Variants in TRPC6 observed in about 807,000 individuals in gnomAD.
TRPC6 encodes the protein short transient receptor potential channel 6.
TRPC6 carries 55 observed loss-of-function variants against 90.7 expected under a neutral mutation model. That is an observed-to-expected ratio of 0.61 (90% CI 0.49 to 0.76). The LOEUF (loss-of-function observed/expected upper bound fraction) is 0.76, where lower values mean the gene tolerates loss of function less well. Among genes scored for constraint, TRPC6 ranks in the 30% least tolerant of loss-of-function variants. The pLI is 0.00. For missense variants in TRPC6, 989 were observed against 1,122.7 expected (o/e 0.88, Z 1.70); for synonymous variants, 393 against 393.0 (o/e 1.00, Z 0.00).
intron 1 of TRPC6, among the ~76,000 whole-genome samples, chr11:101,558,236 G>GCC (rs1861612606): frequency 1.3e-5 from 1 of 79,734 alleles, no homozygotes; most frequent in Non-Finnish European, 2.6e-5. Flanking sequence ...CATGTATATG[G>GCC]GTATACATGT....
chr11:101,469,396 C>T (rs201197567), intron 10 of TRPC6, 31 bp downstream of exon 10: 29 of 753,244 alleles, frequency 3.9e-5, no homozygotes, highest in South Asian at 2.1e-4. Flanking sequence ...CGATCATGTG[C>T]ATGACTTCAT....
intron 1 of TRPC6, among the ~76,000 whole-genome samples, chr11:101,544,105 TGC>T (rs1861240044): frequency 6.6e-6 from 1 of 152,164 alleles, no homozygotes; most frequent in East Asian, 1.9e-4. Context: ...AAGACATTTA[TGC>T]AGCCAACAAA....
chr11:101,508,902 C>T (rs115536649), intron 1 of TRPC6, among the ~76,000 whole-genome samples: 2,356 of 152,054 alleles, frequency 0.015, 67 homozygotes, highest in African/African-American at 0.055. Flanking sequence ...TTATTCTGAC[C>T]TATCTCAAAG....
intron 2 of TRPC6, among the ~76,000 whole-genome samples, chr11:101,501,335 T>C (rs1860119004): frequency 1.3e-5 from 2 of 152,182 alleles, no homozygotes; most frequent in African/African-American, 4.8e-5. Context: ...TCTTGATGGC[T>C]AAAATTAGGA....
intron 1 of TRPC6, among the ~76,000 whole-genome samples, chr11:101,510,980 G>A (rs557421520): frequency 5.3e-5 from 8 of 152,284 alleles, no homozygotes; most frequent in East Asian, 1.9e-4. Context: ...TACAGCAGAA[G>A]TTCTAAAATT....
Position 101,452,809 on chromosome 11 carries a change from C to T in TRPC6, c.*146G>A, listed in dbSNP as rs548329406. 1 of 882,038 alleles carries T rather than the reference C, an allele frequency of 1.1e-6. No individual in the cohort carries two copies. The highest frequency in any genetic ancestry group is 1.7e-5 in the African/African-American group (1 of 59,192). The allele number at this position is 882,038 out of a possible 1,614,324, so 54.6% of individuals were successfully genotyped here. A position where few individuals can be genotyped will look rare whatever the true frequency, so the allele number is the denominator to read the frequency against. The stretch of plus-strand genomic sequence containing the variant: ...GTTTAATCACCAAAAAAATTAGATA[C>T]TAGGGCTCCAGATGATAGGATGGCC... On this transcript the variant is annotated 3_prime_UTR_variant, in exon 13 of 13. Coordinates refer to ENST00000344327, the MANE Select transcript of TRPC6 (RefSeq NM_004621.6).
At chr11:101,553,108 T>C (rs1050256057) in intron 1 of TRPC6, among the ~76,000 whole-genome samples, 17 of 152,034 alleles carry the variant, frequency 1.1e-4, no homozygotes, top group African/African-American at 3.4e-4. Context: ...GGAAGTAAGA[T>C]AGGTGATGTA....
chr11:101,501,080 AATAC>A (rs60962933), intron 2 of TRPC6, among the ~76,000 whole-genome samples: 20,946 of 145,866 alleles, frequency 0.14, 1,557 homozygotes, highest in African/African-American at 0.21. Flanking sequence ...AAGGGAGCAA[AATAC>A]ATACATACAT....
In TRPC6 at chr11:101,489,006, A is replaced by T; in HGVS notation, c.1224T>A (p.Leu408=). The T allele has an allele frequency of 3.1e-6, 5 of 1,614,182 alleles. No homozygotes were observed. Among genetic ancestry groups the T allele is most frequent in the Non-Finnish European group, 4.2e-6 (5 of 1,180,012 alleles). Residue 408 remains leucine (L), a synonymous_variant, in exon 4 of 13, where the codon CTT becomes CTA. Transcript: ENST00000344327. ...GTCCAATGGCAACAGCAAGGACCAC[A>T]AGGAACTTGACCGCCATTGTCTGCT... ...LRQQTMAVKF[L]VVLAVAIGLP...
chr11:101,527,028 C>A (rs1194110136), intron 1 of TRPC6, among the ~76,000 whole-genome samples: 4 of 151,718 alleles, frequency 2.6e-5, no homozygotes, highest in Non-Finnish European at 4.4e-5. Context: ...ACTACAATTT[C>A]AAAAAATATT....
Position 101,452,957 on chromosome 11 carries a change from A to G in TRPC6, c.2794T>C (p.Ter932GlnextTer51). ...MEPNQEETNR[*>Q] ...GAATTTCTAAGGAAGTCTTCGCATT[A>G]TCTATTGGTTTCCTCTTGATTTGGT... The change falls in exon 13 of 13, where the codon TAA becomes CAA. Residue 932 changes from the stop codon to glutamine, a stop_lost. Transcript: ENST00000344327. 1 of 1,613,794 alleles carries G rather than the reference A, an allele frequency of 6.2e-7. No individual in the cohort carries two copies. Among genetic ancestry groups the G allele is most frequent in the African/African-American group, 1.3e-5 (1 of 75,038 alleles).
rs761621479 is a variant in TRPC6, at chr11:101,583,454, C to T, written c.50G>A (p.Gly17Asp). The T allele has an allele frequency of 1.0e-5, 16 of 1,535,826 alleles. No homozygotes were observed. The African/African-American group carries it at 1.3e-4, about 12-fold the overall frequency. ...GCGCCGCGCAGCGGCTCCGGCAGCG[C>T]CCCGGGGAGAACTGCCCCTCCGGGG... ...FGPRRGSSPR[G>D]AAGAAARRNE... The change falls in exon 1 of 13, where the codon GGC (glycine) becomes GAC (aspartate). Residue 17 changes from glycine (G) to aspartate (D), a missense_variant. Around this residue, in one of 4 missense-constraint regions of TRPC6, gnomAD observed 194 missense variants for 136.5 expected, o/e 1.42. Coordinates refer to ENST00000344327, the MANE Select transcript of TRPC6 (RefSeq NM_004621.6).
At chr11:101,522,090 A>G (rs1860675889) in intron 1 of TRPC6, among the ~76,000 whole-genome samples, 1 of 152,170 alleles carries the variant, frequency 6.6e-6, no homozygotes, top group Non-Finnish European at 1.5e-5. Context: ...GTGTTTTGCA[A>G]TGTGAGAAGG....
Position 101,519,783 on chromosome 11 carries a change from T to G in TRPC6, c.171-14985A>C. ...CAGGCATCTAGATACTAGATCTAGA[T>G]TCGATGACCTGAAAGGCCTGGCACA... On this transcript the variant is annotated intron_variant, in intron 1 of 12. Coordinates refer to ENST00000344327, the MANE Select transcript of TRPC6 (RefSeq NM_004621.6). 1.9e-5 allele frequency: 3 copies of G among 154,328 alleles called. No homozygotes were observed. The Middle Eastern group carries it at 1.7e-3, about 89-fold the overall frequency. 9.6% of individuals were successfully genotyped at this position (154,328 alleles called of 1,614,324 possible).
At chr11:101,525,749 T>C (rs1167623429) in intron 1 of TRPC6, among the ~76,000 whole-genome samples, 1 of 152,158 alleles carries the variant, frequency 6.6e-6, no homozygotes, top group Non-Finnish European at 1.5e-5. Flanking sequence ...TGAGTTATGA[T>C]GCAATGTTTG....
chr11:101,469,349 T>G, intron 10 of TRPC6, 78 bp downstream of exon 10: 1 of 707,908 alleles, frequency 1.4e-6, no homozygotes, highest in Non-Finnish European at 2.6e-6. Context: ...CTAAAATTGC[T>G]TCTGAACATC....
chr11:101,583,397 G>T lies in TRPC6; in HGVS notation c.107C>A (p.Ser36Ter). 6.3e-7 allele frequency: 1 copy of T among 1,588,716 alleles called. No homozygotes were observed. The highest frequency in any genetic ancestry group is 8.6e-7 in the Non-Finnish European group (1 of 1,167,484). The change falls in exon 1 of 13, where the codon TCG (serine) becomes TAG (stop). Residue 36 changes from serine (S) to a stop codon, truncating the protein, a stop_gained. Transcript: ENST00000344327. LOFTEE classifies it high-confidence loss of function. ...NESQDYLLMD[S>*]ELGEDGCPQA... The stretch of plus-strand genomic sequence containing the variant: ...CGGGCAGCCGTCTTCTCCCAGCTCC[G>T]AGTCCATGAGCAGATAGTCCTGGCT...
intron 1 of TRPC6, among the ~76,000 whole-genome samples, chr11:101,573,673 T>G (rs922641096): frequency 6.6e-6 from 1 of 152,194 alleles, no homozygotes; most frequent in Non-Finnish European, 1.5e-5. Context: ...CTGAACATCA[T>G]ATTTCATTGA....
intron 1 of TRPC6, among the ~76,000 whole-genome samples, chr11:101,538,935 A>G (rs1403974720): frequency 2.0e-5 from 3 of 152,228 alleles, no homozygotes; most frequent in Non-Finnish European, 2.9e-5. Context: ...AACTATTTCT[A>G]AAGTCTCTCA....
Sources: allele counts gnomAD v4.1 joint callset (sites outside exome capture counted in the v4.1 genomes callset), GRCh38; gene constraint gnomAD v4.1.1; regional missense constraint gnomAD v4.1.1; transcripts MANE v1.5; gene names NCBI Gene and HGNC (gene_info 2026-07-23, HGNC 2026-07-21).